Variants in GON4L observed in about 807,000 individuals in gnomAD.
GON4L encodes gon-4 like.
Under a neutral mutation model 211.8 loss-of-function variants are expected in GON4L, and 87 were observed. The ratio of observed to expected loss-of-function variants is 0.41; its 90% CI spans 0.35 to 0.49. The LOEUF (loss-of-function observed/expected upper bound fraction) is 0.49, where lower values mean the gene tolerates loss of function less well. Ranked by LOEUF, GON4L falls within the 20% of genes least tolerant of loss-of-function variation. The pLI is 0.15. For synonymous variants in GON4L, 875 were observed against 962.6 expected (o/e 0.91, Z 1.68); for missense variants, 2,155 against 2,659.5 (o/e 0.81, Z 4.17).
In GON4L at chr1:155,763,947, G is replaced by C. The variant is rs1662120356; in HGVS notation, c.4474-383C>G. Among the ~76,000 whole-genome samples the C allele has an allele frequency of 1.3e-5, 2 of 150,252 alleles. 1 individual carries two copies. The highest frequency in any genetic ancestry group is 1.3e-4 in the Admixed American group (2 of 15,076). On this transcript the variant is annotated intron_variant, in intron 21 of 31. Coordinates refer to ENST00000368331, the MANE Select transcript of GON4L (RefSeq NM_001282860.2). ...GAACCCGGGAGGTGGAGGTTGCAGT[G>C]AGCTGAAATTATGCCACTGCACTCC...
intron 24 of GON4L, 122 bp downstream of exon 24, chr1:155,760,322 T>C: frequency 1.6e-6 from 1 of 624,744 alleles, no homozygotes; most frequent in Non-Finnish European, 2.8e-6. Flanking sequence ...CACTCTGGGC[T>C]AGGGGATGGC....
intron 2 of GON4L, among the ~76,000 whole-genome samples, chr1:155,836,326 T>C (rs1420544276): frequency 6.8e-6 from 1 of 146,564 alleles, no homozygotes; most frequent in Non-Finnish European, 1.5e-5. Context: ...CTCGGCTCAC[T>C]GCAACCTCGC....
At chr1:155,814,972 G>C (rs956325620) in intron 8 of GON4L, among the ~76,000 whole-genome samples, 7 of 151,914 alleles carry the variant, frequency 4.6e-5, no homozygotes, top group African/African-American at 1.7e-4. Flanking sequence ...AATTAGCCAG[G>C]CATGGTAGCG....
chr1:155,849,933 C>T (rs1671626991), intron 2 of GON4L, among the ~76,000 whole-genome samples: 1 of 146,470 alleles, frequency 6.8e-6, no homozygotes, highest in African/African-American at 2.5e-5. Flanking sequence ...CCAGTAAAAA[C>T]ACCTAAATTC....
intron 27 of GON4L, among the ~76,000 whole-genome samples, chr1:155,756,039 C>T (rs866727152): frequency 2.6e-5 from 4 of 151,666 alleles, no homozygotes; most frequent in Non-Finnish European, 4.4e-5. Context: ...CCACAGATGG[C>T]TTACCTGAGG....
downstream of GON4L, chr1:155,749,247 T>C (rs1660375745): frequency 6.4e-7 from 1 of 1,552,330 alleles, no homozygotes; most frequent in African/African-American, 1.4e-5. Flanking sequence ...AGCAAAACTC[T>C]GTCTCAAAAA....
intron 19 of GON4L, among the ~76,000 whole-genome samples, chr1:155,768,437 C>T (rs533545682): frequency 1.3e-5 from 2 of 151,692 alleles, no homozygotes; most frequent in South Asian, 2.1e-4. Flanking sequence ...GGTGAAACCC[C>T]GTCTCTACTA....
At chr1:155,778,502 C>T (rs1266789825) in intron 14 of GON4L, among the ~76,000 whole-genome samples, 1 of 152,170 alleles carries the variant, frequency 6.6e-6, no homozygotes, top group South Asian at 2.1e-4. Context: ...CCACCCATCT[C>T]GGCTTCCCAA....
chr1:155,818,166 G>C (rs879584150), intron 6 of GON4L, among the ~76,000 whole-genome samples: 3 of 151,404 alleles, frequency 2.0e-5, no homozygotes, highest in Non-Finnish European at 4.4e-5. Context: ...CTATCACCCA[G>C]GCTGGAGTGC....
chr1:155,807,983 CA>C (rs1471328055), intron 10 of GON4L, among the ~76,000 whole-genome samples: 1 of 151,842 alleles, frequency 6.6e-6, no homozygotes, highest in Non-Finnish European at 1.5e-5. Flanking sequence ...ACACGTTAAC[CA>C]AAAGGAATTT....
At chr1:155,853,105 C>T (rs111314095) in intron 2 of GON4L, among the ~76,000 whole-genome samples, 171 bp downstream of exon 2, 2 of 151,862 alleles carry the variant, frequency 1.3e-5, no homozygotes, top group African/African-American at 2.4e-5. Flanking sequence ...GGCAAGACTC[C>T]GTCTCAAGAA....
chr1:155,815,077 C>T (rs1367076722), intron 8 of GON4L, among the ~76,000 whole-genome samples: 1 of 152,042 alleles, frequency 6.6e-6, no homozygotes, highest in African/African-American at 2.4e-5. Flanking sequence ...TCGCACACTG[C>T]ACTCCATGGG....
intron 2 of GON4L, among the ~76,000 whole-genome samples, chr1:155,837,283 C>A (rs1670396085): frequency 6.6e-6 from 1 of 152,194 alleles, no homozygotes; most frequent in African/African-American, 2.4e-5. Flanking sequence ...CGACTCCCTG[C>A]AATGGCAGAA....
At chr1:155,791,909 TAACATAACATAACATCACATAAC>T (rs1665620818) in intron 12 of GON4L, among the ~76,000 whole-genome samples, 4 of 123,982 alleles carry the variant, frequency 3.2e-5, no homozygotes, top group South Asian at 2.5e-4. Flanking sequence ...TAACATAACA[TAACATAACATAACATCACATAAC>T]ATAACATAAC....
rs372722186 is a variant in GON4L, at chr1:155,760,679, T to G, written c.4912-38A>C. ...ACTTTCAATCATCAACACCCTTTAT[T>G]TGGGCCACAACAAGCAATAAGGGTA... On this transcript the variant is annotated intron_variant, in intron 23 of 31. Coordinates refer to ENST00000368331, the MANE Select transcript of GON4L (RefSeq NM_001282860.2). 14 of 1,401,084 alleles carry G rather than the reference T, an allele frequency of 1.0e-5. No homozygotes were observed. In the African/African-American group the frequency reaches 1.8e-4, roughly 18 times the overall value. The allele number at this position is 1,401,084 out of a possible 1,614,324, so 86.8% of individuals were successfully genotyped here.
At chr1:155,810,551 AC>A (rs1667657347) in intron 10 of GON4L, among the ~76,000 whole-genome samples, 1 of 151,698 alleles carries the variant, frequency 6.6e-6, no homozygotes, top group South Asian at 2.1e-4. Context: ...ACCAAAAAAT[AC>A]AAAAAATTAG....
chr1:155,818,311 CATG>C (rs1668441070), intron 6 of GON4L, among the ~76,000 whole-genome samples: 1 of 151,972 alleles, frequency 6.6e-6, no homozygotes, highest in Non-Finnish European at 1.5e-5. Context: ...GGGGTTTCGC[CATG>C]TTGGCCAGGC....
intron 12 of GON4L, among the ~76,000 whole-genome samples, chr1:155,789,360 A>G (rs1021918333): frequency 2.6e-4 from 40 of 152,226 alleles, no homozygotes; most frequent in Non-Finnish European, 4.9e-4. Context: ...AAAGTGAAGT[A>G]TAGGCTCATG....
chr1:155,797,595 G>A (rs1258827291), intron 11 of GON4L, among the ~76,000 whole-genome samples: 1 of 151,100 alleles, frequency 6.6e-6, no homozygotes, highest in Non-Finnish European at 1.5e-5. Flanking sequence ...TGTAATCCCA[G>A]AACTTTGGGA....
Sources: gnomAD v4.1 joint callset for allele counts (sites outside exome capture counted in the v4.1 genomes callset) on GRCh38, gnomAD v4.1.1 for gene constraint, MANE v1.5 for transcripts, NCBI Gene and HGNC (gene_info 2026-07-23, HGNC 2026-07-21) for gene names.